ERICH3: variants seen among roughly 807,000 people sequenced by gnomAD.
The protein encoded by ERICH3 is glutamate rich 3.
In ERICH3, 126 loss-of-function variants were observed where a neutral mutation model predicts 131.1. The observed-to-expected ratio is 0.96, with a 90% CI of 0.83 to 1.11. The LOEUF (loss-of-function observed/expected upper bound fraction) is 1.11, where lower values mean the gene tolerates loss of function less well. Among genes scored for constraint, ERICH3 ranks in the 50% most tolerant of loss-of-function variants. The pLI, the probability that ERICH3 is intolerant of heterozygous loss-of-function variation, is 0.00. For synonymous variants in ERICH3, 695 were observed against 644.6 expected, an observed-to-expected ratio of 1.08 and a Z score of -1.18; for missense variants, 2,050 against 1,810.7, an observed-to-expected ratio of 1.13 and a Z score of -2.40.
chr1:74,579,832 G>A lies in ERICH3; in HGVS notation c.2177-2896C>T, dbSNP rs539269466. On this transcript the variant is annotated intron_variant, in intron 12 of 14. Transcript: ENST00000326665. ...TACCTATCAATAAAGGTGACCACTG[G>A]AGGCAAAGGTGATTGTCAGTTCTCA... 1.0e-5 allele frequency: 10 copies of A among 984,998 alleles called. No individual in the cohort carries two copies. In the East Asian group the frequency reaches 1.1e-3, roughly 112 times the overall value. 61.0% of individuals were successfully genotyped at this position (984,998 alleles called of 1,614,324 possible).
intron 6 of ERICH3, among the ~76,000 whole-genome samples, chr1:74,632,235 A>T (rs1200312683): frequency 7.2e-5 from 11 of 152,080 alleles, no homozygotes; most frequent in African/African-American, 2.7e-4. Flanking sequence ...AAAATCAAGA[A>T]GTTTGAAGTG....
At chr1:74,599,086 A>G (rs1647995347) in intron 11 of ERICH3, among the ~76,000 whole-genome samples, 1 of 152,000 alleles carries the variant, frequency 6.6e-6, no homozygotes, top group African/African-American at 2.4e-5. Context: ...GTAAAAAATT[A>G]CATAAATATT....
At chr1:74,585,941 C>G (rs1308160121) in intron 12 of ERICH3, among the ~76,000 whole-genome samples, 1 of 152,018 alleles carries the variant, frequency 6.6e-6, no homozygotes, top group Non-Finnish European at 1.5e-5. Context: ...ATTTACTCAG[C>G]CTCAGGTTTT....
chr1:74,610,509 A>T (rs564208312), intron 9 of ERICH3, among the ~76,000 whole-genome samples: 23 of 150,920 alleles, frequency 1.5e-4, no homozygotes, highest in South Asian at 1.1e-3. Flanking sequence ...CCAATCATTT[A>T]GCTCCAGAAA....
chr1:74,657,711 G>A (rs1235930770), intron 1 of ERICH3, among the ~76,000 whole-genome samples: 3 of 152,134 alleles, frequency 2.0e-5, no homozygotes, highest in Non-Finnish European at 4.4e-5. Context: ...AGACAGTTTT[G>A]CAGTGTTCAC....
At chr1:74,581,008 C>A (rs1425038652) in intron 12 of ERICH3, among the ~76,000 whole-genome samples, 2 of 152,134 alleles carry the variant, frequency 1.3e-5, no homozygotes, top group Non-Finnish European at 2.9e-5. Context: ...ATCCATCTGG[C>A]AAATATTTCT....
chr1:74,601,725 T>A (rs78611747), intron 10 of ERICH3, among the ~76,000 whole-genome samples: 1 of 151,802 alleles, frequency 6.6e-6, no homozygotes, highest in African/African-American at 2.4e-5. Context: ...TATGAGTGGA[T>A]TGCTGCAATT....
Position 74,636,394 on chromosome 1 carries a change from T to C in ERICH3, c.489A>G (p.Pro163=), listed in dbSNP as rs776509957. 1.2e-6 allele frequency: 2 copies of C among 1,612,964 alleles called. No individual in the cohort carries two copies. The highest frequency in any genetic ancestry group is 1.7e-6 in the Non-Finnish European group (2 of 1,179,218). The change falls in exon 6 of 15, where the codon CCA becomes CCG. Residue 163 remains proline (P), a synonymous_variant. Transcript: ENST00000326665. ...TACTGGGAAGAGGCTGTAATCGAAT[T>C]GGAGGCTGCATATTTCCTGGAGCAG... ...PYTAPGNMQP[P]IRLQPLPSNP... is the part of the protein sequence containing the mutation.
At chr1:74,614,965 T>C (rs1648892096) in intron 8 of ERICH3, among the ~76,000 whole-genome samples, 1 of 152,196 alleles carries the variant, frequency 6.6e-6, no homozygotes, top group African/African-American at 2.4e-5. Flanking sequence ...TGCAGTATCA[T>C]GCTCCATAAC....
Position 74,673,626 on chromosome 1 carries a change from C to G in ERICH3, c.-107G>C. 2.3e-6 allele frequency: 3 copies of G among 1,304,594 alleles called. No individual in the cohort carries two copies. The highest frequency in any genetic ancestry group is 1.4e-5 in the South Asian group (1 of 72,266). 80.8% of individuals were successfully genotyped at this position (1,304,594 alleles called of 1,614,324 possible). On this transcript the variant is annotated 5_prime_UTR_variant, in exon 1 of 15. Transcript: ENST00000326665. ...TCGCGCTCGAGGGGTGGCTCCGCAC[C>G]GAGGTCCCCTGTGCGCGGGCACCTG...
chr1:74,602,773 G>A (rs557176026), intron 10 of ERICH3, among the ~76,000 whole-genome samples: 1 of 151,946 alleles, frequency 6.6e-6, no homozygotes, highest in African/African-American at 2.4e-5. Context: ...AAAATGAAAA[G>A]CTTTCATTGA....
Position 74,571,446 on chromosome 1 carries a change from T to A in ERICH3, c.4264A>T (p.Thr1422Ser). ...CCAGCCTCTGTTGTATATGTCACTGTCATCTCCTCTGCTGCTGGCACTTCC... is the reference window on the plus strand; with the variant it reads ...CCAGCCTCTGTTGTATATGTCACTGACATCTCCTCTGCTGCTGGCACTTCC... Reference protein sequence around the residue: ...GEEVPAAEEMTVTYTTEAGVG... With the variant: ...GEEVPAAEEMSVTYTTEAGVG... The change falls in exon 14 of 15, where the codon ACA becomes TCA. Residue 1422 changes from threonine (T) to serine (S), a missense_variant. Coordinates refer to ENST00000326665, the MANE Select transcript of ERICH3 (RefSeq NM_001002912.5). 6.2e-7 allele frequency: 1 copy of A among 1,614,042 alleles called. No individual in the cohort carries two copies. Among genetic ancestry groups the A allele is most frequent in the Non-Finnish European group, 8.5e-7 (1 of 1,179,988 alleles).
chr1:74,589,964 C>A lies in ERICH3; in HGVS notation c.1843G>T (p.Ala615Ser). Residue 615 changes from alanine to serine, a missense_variant, in exon 12 of 15, where the codon GCC (alanine) becomes TCC (serine). Coordinates refer to ENST00000326665, the MANE Select transcript of ERICH3 (RefSeq NM_001002912.5). ...AHTDSSTDESARRSSSQELSE... is the reference protein window; with the variant it reads ...AHTDSSTDESSRRSSSQELSE... ...AGTTCCTGAGAAGATGACCTTCTGG[C>A]ACTTTCATCTGTGCTGCTGTCAGTG... 19 of 1,614,008 alleles carry A rather than the reference C, an allele frequency of 1.2e-5. No individual in the cohort carries two copies. The highest frequency in any genetic ancestry group is 1.6e-5 in the Non-Finnish European group (19 of 1,179,944).
rs750357972 is a variant in ERICH3, at chr1:74,576,920, T to C, written c.2193A>G (p.Pro731=). 4.4e-6 allele frequency: 7 copies of C among 1,595,234 alleles called. No homozygotes were observed. Among genetic ancestry groups the C allele is most frequent in the African/African-American group, 4.2e-5 (3 of 71,902 alleles). ...CACCAAGAGCCAGGACATAGGCTAA[T>C]GGCAATGAATCCTTTCCTAGTTAAA... The part of the protein sequence containing the change: ...GLEEGGKDSL[P]LAYVLALGAP... The change falls in exon 13 of 15, where the codon CCA becomes CCG. Residue 731 remains proline (P), a synonymous_variant. Transcript: ENST00000326665.
rs1442657117 is a variant in ERICH3 at position 74,572,417 on chromosome 1, A to C, written c.3293T>G (p.Leu1098Arg). Residue 1098 changes from leucine (L) to arginine (R), a missense_variant, in exon 14 of 15, where the codon CTT becomes CGT. Coordinates refer to ENST00000326665, the MANE Select transcript of ERICH3 (RefSeq NM_001002912.5). ...DEDAFKEEQK[L>R]KAEEGETETE... ...CTCTGTTTCCCCTTCTTCCGCTTTAAGTTTTTGCTCTTCTTTAAAAGCATC... is the reference window on the plus strand; with the variant it reads ...CTCTGTTTCCCCTTCTTCCGCTTTACGTTTTTGCTCTTCTTTAAAAGCATC... 1 of 1,613,662 alleles carries C rather than the reference A, an allele frequency of 6.2e-7. No individual in the cohort carries two copies. The highest frequency in any genetic ancestry group is 1.3e-5 in the African/African-American group (1 of 74,904).
At chr1:74,613,560 C>T (rs754797038) in intron 8 of ERICH3, among the ~76,000 whole-genome samples, 3 of 152,258 alleles carry the variant, frequency 2.0e-5, no homozygotes, top group Admixed American at 6.5e-5. Flanking sequence ...TTAGTTGTGA[C>T]TTTAAATATT....
intron 3 of ERICH3, among the ~76,000 whole-genome samples, chr1:74,645,609 G>T (rs1646476132): frequency 6.6e-6 from 1 of 151,940 alleles, no homozygotes. Context: ...AGTGCCTATT[G>T]AGTAAATTTG....
At chr1:74,620,551 T>A (rs1173299744) in intron 8 of ERICH3, among the ~76,000 whole-genome samples, 183 bp downstream of exon 8, 1 of 152,184 alleles carries the variant, frequency 6.6e-6, no homozygotes, top group Non-Finnish European at 1.5e-5. Flanking sequence ...GCGAGAGTAA[T>A]TGCTGCTTCA....
At chr1:74,579,898 T>C in intron 12 of ERICH3, 1 of 984,818 alleles carries the variant, frequency 1.0e-6, no homozygotes, top group Non-Finnish European at 1.2e-6. Context: ...CACAGAAAAT[T>C]TCTTAGAAAG....
Sources: gnomAD v4.1 joint callset for allele counts (sites outside exome capture counted in the v4.1 genomes callset) on GRCh38, gnomAD v4.1.1 for gene constraint, MANE v1.5 for transcripts, NCBI Gene and HGNC (gene_info 2026-07-23, HGNC 2026-07-21) for gene names.